The following DDX25 variants were observed in gnomAD, a reference collection of about 807,000 sequenced individuals.
DDX25 encodes the protein ATP-dependent RNA helicase DDX25.
Under a neutral mutation model 64.6 loss-of-function variants are expected in DDX25, and 70 were observed. The ratio of observed to expected loss-of-function variants is 1.08; its 90% CI spans 0.89 to 1.32. DDX25 has a LOEUF of 1.32. Among genes scored for constraint, DDX25 ranks in the 40% most tolerant of loss-of-function variants. DDX25 has a pLI of 0.00. For synonymous variants in DDX25, 211 were observed against 213.3 expected (o/e 0.99, Z 0.09); for missense variants, 587 against 604.4 (o/e 0.97, Z 0.30).
rs771107038 is a variant in DDX25, at chr11:125,911,364, G to T, written c.676G>T (p.Val226Phe). The change falls in exon 8 of 12, where the codon GTC (valine) becomes TTC (phenylalanine). Residue 226 changes from valine (V) to phenylalanine (F), a missense_variant. Transcript: ENST00000263576. ...KQIIIGTPGTVLDWCFKLKLI... is the reference protein window; with the variant it reads ...KQIIIGTPGTFLDWCFKLKLI... ...GATTATAATTGGCACTCCTGGGACT[G>T]TCCTAGATTGGTGTTTTAAACTAAA... The T allele has an allele frequency of 1.2e-6, 2 of 1,613,796 alleles. No individual in the cohort carries two copies. Among genetic ancestry groups the T allele is most frequent in the East Asian group, 4.5e-5 (2 of 44,886 alleles).
At position 125,925,261 on chromosome 11, in the gene DDX25, C is replaced by T. The variant is rs964549482; in HGVS notation, c.*2380C>T. 2 of 369,628 alleles carry T rather than the reference C, an allele frequency of 5.4e-6. No homozygotes were observed. Among genetic ancestry groups the T allele is most frequent in the Non-Finnish European group, 5.5e-6 (1 of 181,670 alleles). 22.9% of individuals were successfully genotyped at this position (369,628 alleles called of 1,614,324 possible). ...TCCGCCAGTTACCCTCACAAATGTC[C>T]TCAGTAATTTTTGTTTGGCAGCTGT... On this transcript the variant is annotated 3_prime_UTR_variant, in exon 12 of 12. Transcript: ENST00000263576.
chr11:125,924,046 T>C lies in DDX25; in HGVS notation c.*1165T>C, dbSNP rs1041670375. 3.3e-5 allele frequency: 5 copies of C among 152,146 alleles called. No individual in the cohort carries two copies. The highest frequency in any genetic ancestry group is 1.2e-4 in the African/African-American group (5 of 41,350). The allele number at this position is 152,146 out of a possible 1,614,324, so 9.4% of individuals were successfully genotyped here. A position where few individuals can be genotyped will look rare whatever the true frequency, so the allele number is the denominator to read the frequency against. On this transcript the variant is annotated 3_prime_UTR_variant, in exon 12 of 12. Coordinates refer to ENST00000263576, the MANE Select transcript of DDX25 (RefSeq NM_013264.5). ...ACTTTGGGAGGCCAAGGAGGGCGGA[T>C]CACGAGGTCAGGAGTTAAGACCAGC... is the stretch of plus-strand genomic sequence containing the variant.
rs1468155780 is a variant in DDX25, at chr11:125,924,669, G to C, written c.*1788G>C. 6.6e-6 allele frequency: 1 copy of C among 152,278 alleles called. No homozygotes were observed. Among genetic ancestry groups the C allele is most frequent in the Non-Finnish European group, 1.5e-5 (1 of 68,084 alleles). 9.4% of individuals were successfully genotyped at this position (152,278 alleles called of 1,614,324 possible). ...TGGAGAGCCCGGGGAAAAAAATACAGATTTCCTTCCCCATGCAGATGAAAG... is the reference window on the plus strand; with the variant it reads ...TGGAGAGCCCGGGGAAAAAAATACACATTTCCTTCCCCATGCAGATGAAAG... On this transcript the variant is annotated 3_prime_UTR_variant, in exon 12 of 12. Coordinates refer to ENST00000263576, the MANE Select transcript of DDX25 (RefSeq NM_013264.5).
At position 125,923,170 on chromosome 11, in the gene DDX25, C is replaced by A. The variant is rs1478538735; in HGVS notation, c.*289C>A. On this transcript the variant is annotated 3_prime_UTR_variant, in exon 12 of 12. Coordinates refer to ENST00000263576, the MANE Select transcript of DDX25 (RefSeq NM_013264.5). ...GGGGTGTTTTTGGATTTGGTTGATA[C>A]AATCTGAGCAGATCGTGCCTCTTGG... is the stretch of plus-strand genomic sequence containing the variant. The A allele has an allele frequency of 3.1e-6, 1 of 321,730 alleles. No homozygotes were observed. The highest frequency in any genetic ancestry group is 4.7e-5 in the Admixed American group (1 of 21,432). The allele number at this position is 321,730 out of a possible 1,614,324, so 19.9% of individuals were successfully genotyped here.
rs545101272 is a variant in DDX25, at chr11:125,906,298, C to T, written c.311+89C>T. On this transcript the variant is annotated intron_variant, in intron 4 of 11. Transcript: ENST00000263576. ...TTATAGTAAAAACCATCAGGATCTC[C>T]TCTTTGTTTTCTGATATTCAATATT... The T allele has an allele frequency of 7.9e-6, 11 of 1,396,762 alleles. No individual in the cohort carries two copies. In the South Asian group the frequency reaches 1.8e-4, roughly 23 times the overall value. The allele number at this position is 1,396,762 out of a possible 1,614,324, so 86.5% of individuals were successfully genotyped here. A position where few individuals can be genotyped will look rare whatever the true frequency, so the allele number is the denominator to read the frequency against.
chr11:125,916,216 T>C (rs1260834020), intron 8 of DDX25, among the ~76,000 whole-genome samples: 1 of 152,240 alleles, frequency 6.6e-6, no homozygotes, highest in African/African-American at 2.4e-5. Flanking sequence ...TTTATTTTGT[T>C]TTAAAAAGTT....
upstream of DDX25, chr11:125,904,450 A>C (rs569401312): frequency 1.5e-6 from 2 of 1,331,912 alleles, no homozygotes; most frequent in African/African-American, 1.5e-5. Context: ...TGGCCAGCGG[A>C]TGGGGCCAGC....
rs372290180 is a variant in DDX25, at chr11:125,907,594, C to T, written c.312-602C>T. On this transcript the variant is annotated intron_variant, in intron 4 of 11. Coordinates refer to ENST00000263576, the MANE Select transcript of DDX25 (RefSeq NM_013264.5). ...CTGCACTCCAGCCTGGGCGACAGAG[C>T]AAGACTCCGTCTCAAAAAAAAAAAA... Among the ~76,000 whole-genome samples, 5 of 150,184 alleles carry T rather than the reference C, an allele frequency of 3.3e-5. No individual in the cohort carries two copies. In the South Asian group the frequency reaches 8.6e-4, roughly 26 times the overall value.
chr11:125,910,355 A>G lies in DDX25; in HGVS notation c.508-9A>G. 4 of 1,613,000 alleles carry G rather than the reference A, an allele frequency of 2.5e-6. No homozygotes were observed. The highest frequency in any genetic ancestry group is 1.1e-5 in the South Asian group (1 of 91,012). On this transcript the variant is annotated splice_polypyrimidine_tract_variant and intron_variant, in intron 6 of 11. Transcript: ENST00000263576. ...CTTTCTCCTCCCCTCTTCTCTCTCT[A>G]TCCCACAGTGCCTCTGCCTAGCTCC... is the stretch of plus-strand genomic sequence containing the variant.
At position 125,922,857 on chromosome 11, in the gene DDX25, T is replaced by A; in HGVS notation, c.1428T>A (p.Asp476Glu). 6.2e-7 allele frequency: 1 copy of A among 1,609,486 alleles called. No individual in the cohort carries two copies. Among genetic ancestry groups the A allele is most frequent in the Non-Finnish European group, 8.5e-7 (1 of 1,177,532 alleles). The change falls in exon 12 of 12, where the codon GAT becomes GAA. Residue 476 changes from aspartate (D) to glutamate (E), a missense_variant. By Grantham distance (45) the Asp-to-Glu change is conservative. Coordinates refer to ENST00000263576, the MANE Select transcript of DDX25 (RefSeq NM_013264.5). Reference protein sequence around the residue: ...SIKQLNAEDMDEIEKIDY With the variant: ...SIKQLNAEDMEEIEKIDY ...AGCAACTCAACGCTGAAGACATGGA[T>A]GAAATTGAAAAGATTGACTATTGAA...
intron 6 of DDX25, among the ~76,000 whole-genome samples, chr11:125,909,262 G>A (rs1236830213): frequency 2.6e-5 from 4 of 152,158 alleles, no homozygotes; most frequent in Non-Finnish European, 4.4e-5. Context: ...CTATAGGTAA[G>A]GCATAGGAAA....
At chr11:125,906,539 A>G (rs1944891044) in intron 4 of DDX25, among the ~76,000 whole-genome samples, 1 of 152,134 alleles carries the variant, frequency 6.6e-6, no homozygotes, top group African/African-American at 2.4e-5. Context: ...ATCAAAATAT[A>G]GCTCAGGCCA....
At chr11:125,917,940 A>G (rs977419956) in intron 9 of DDX25, among the ~76,000 whole-genome samples, 2 of 152,086 alleles carry the variant, frequency 1.3e-5, no homozygotes, top group African/African-American at 4.8e-5. Flanking sequence ...GTGCAATGGC[A>G]TGATCTCAGC....
At chr11:125,915,388 TAATC>T (rs932788930) in intron 8 of DDX25, among the ~76,000 whole-genome samples, 7 of 152,370 alleles carry the variant, frequency 4.6e-5, no homozygotes, top group African/African-American at 7.2e-5. Flanking sequence ...TTCAACAAGT[TAATC>T]AATATAAAAA....
rs1945171118 is a variant in DDX25, at chr11:125,926,697, C to T, written c.*3816C>T. On this transcript the variant is annotated 3_prime_UTR_variant, in exon 12 of 12. Transcript: ENST00000263576. The stretch of plus-strand genomic sequence containing the variant: ...AGCTGGGGCTACAGGCACATGCCAC[C>T]ACGCCTGGCTTATTTTTGTATGTTA... 1 of 152,172 alleles carries T rather than the reference C, an allele frequency of 6.6e-6. No individual in the cohort carries two copies. The highest frequency in any genetic ancestry group is 2.1e-4 in the South Asian group (1 of 4,806). 9.4% of individuals were successfully genotyped at this position (152,172 alleles called of 1,614,324 possible). A position where few individuals can be genotyped will look rare whatever the true frequency, so the allele number is the denominator to read the frequency against.
Position 125,904,508 on chromosome 11 carries a change from A to C in DDX25, c.-10A>C. 1 of 1,484,010 alleles carries C rather than the reference A, an allele frequency of 6.7e-7. No individual in the cohort carries two copies. Among genetic ancestry groups the C allele is most frequent in the Non-Finnish European group, 9.0e-7 (1 of 1,116,878 alleles). 91.9% of individuals were successfully genotyped at this position (1,484,010 alleles called of 1,614,324 possible). On this transcript the variant is annotated 5_prime_UTR_variant, in exon 1 of 12. Transcript: ENST00000263576. ...AGCACGTGCTGGGGGCGGGAGCAGC[A>C]ATCGCAGCCATGGCGTCGTTACTGT...
intron 6 of DDX25, among the ~76,000 whole-genome samples, chr11:125,909,364 A>G (rs987100283): frequency 6.6e-6 from 1 of 152,188 alleles, no homozygotes; most frequent in Non-Finnish European, 1.5e-5. Context: ...GTTGGAGCAC[A>G]TTTTGAAAAA....
At chr11:125,911,192 C>T in intron 7 of DDX25, 119 bp from the exon 8 acceptor site, 1 of 1,002,966 alleles carries the variant, frequency 1.0e-6, no homozygotes, top group Non-Finnish European at 1.3e-6. Context: ...GGGGTTTCCA[C>T]TTGGAAAATT....
rs911342159 is a variant in DDX25, at chr11:125,917,400, T to A, written c.1038+149T>A. 3 of 727,048 alleles carry A rather than the reference T, an allele frequency of 4.1e-6. No homozygotes were observed. The African/African-American group carries it at 5.3e-5, about 13-fold the overall frequency. The allele number at this position is 727,048 out of a possible 1,614,324, so 45.0% of individuals were successfully genotyped here. A position where few individuals can be genotyped will look rare whatever the true frequency, so the allele number is the denominator to read the frequency against. On this transcript the variant is annotated intron_variant, in intron 9 of 11. Coordinates refer to ENST00000263576, the MANE Select transcript of DDX25 (RefSeq NM_013264.5). ...CTTCAGAACAGCTCTAAACAGAAAT[T>A]ACCTGTATTTTATGGGTGAAATGTA...
Sources: allele counts gnomAD v4.1 joint callset (sites outside exome capture counted in the v4.1 genomes callset), GRCh38; gene constraint gnomAD v4.1.1; transcripts MANE v1.5; gene names NCBI Gene and HGNC (gene_info 2026-07-23, HGNC 2026-07-21).